Variants in KSR1 observed in about 807,000 individuals in gnomAD.
KSR1 encodes the protein kinase suppressor of ras.
Under a neutral mutation model 92.9 loss-of-function variants are expected in KSR1, and 35 were observed. That is an observed-to-expected ratio of 0.38 (90% CI 0.29 to 0.50). The LOEUF (loss-of-function observed/expected upper bound fraction) is 0.50. Ranked by LOEUF, KSR1 falls within the 20% of genes least tolerant of loss-of-function variation. KSR1 has a pLI of 0.94. For synonymous variants in KSR1, 467 were observed against 472.6 expected (o/e 0.99, Z 0.15); for missense variants, 972 against 1,158.5 (o/e 0.84, Z 2.34).
At chr17:27,557,546 T>G (rs898579058) in intron 2 of KSR1, among the ~76,000 whole-genome samples, 3 of 152,094 alleles carry the variant, frequency 2.0e-5, no homozygotes, top group Non-Finnish European at 2.9e-5. Context: ...GGACCTGAGA[T>G]CCTATGGGTA....
rs547749099 is a variant in KSR1, at chr17:27,580,370, G to A, written c.521-2276G>A. 2.0e-5 allele frequency among the ~76,000 whole-genome samples: 3 copies of A among 152,302 alleles called. No individual in the cohort carries two copies. In the East Asian group the frequency reaches 5.8e-4, roughly 29 times the overall value. On this transcript the variant is annotated intron_variant, in intron 3 of 20. Coordinates refer to ENST00000644974, the MANE Select transcript of KSR1 (RefSeq NM_001394583.1). ...TGTCTAGTCGGTTCCTGAATAGAAA[G>A]TCACTGCAGTCAGGTGGGAGGAAGG... is the stretch of plus-strand genomic sequence containing the variant.
Position 27,589,155 on chromosome 17 carries a change from C to T in KSR1, c.1046+620C>T, listed in dbSNP as rs187786516. 1.6e-4 allele frequency among the ~76,000 whole-genome samples: 25 copies of T among 152,310 alleles called. No individual in the cohort carries two copies. The East Asian group carries it at 4.8e-3, about 29-fold the overall frequency. Reference sequence around the variant, plus strand: ...CATCTTTGTTGGGTGGAGAGAGTAACATTTATGGATCTCTGCTACCTTCCA... The same window carrying T: ...CATCTTTGTTGGGTGGAGAGAGTAATATTTATGGATCTCTGCTACCTTCCA... On this transcript the variant is annotated intron_variant, in intron 6 of 20. Coordinates refer to ENST00000644974, the MANE Select transcript of KSR1 (RefSeq NM_001394583.1).
chr17:27,590,784 A>T lies in KSR1; in HGVS notation c.1047-27A>T, dbSNP rs1403321. 6 of 1,594,764 alleles carry T rather than the reference A, an allele frequency of 3.8e-6. No individual in the cohort carries two copies. In the East Asian group the frequency reaches 1.4e-4, roughly 36 times the overall value. Reference sequence around the variant, plus strand: ...GGCCTTGGCCTCCCAGCTGGTGCAAACATGTGCCTGTGTCCGCCCTCTGCA... The same window carrying T: ...GGCCTTGGCCTCCCAGCTGGTGCAATCATGTGCCTGTGTCCGCCCTCTGCA... On this transcript the variant is annotated intron_variant, in intron 6 of 20. Coordinates refer to ENST00000644974, the MANE Select transcript of KSR1 (RefSeq NM_001394583.1).
At chr17:27,502,565 G>T (rs916953019) in intron 1 of KSR1, among the ~76,000 whole-genome samples, 1 of 152,208 alleles carries the variant, frequency 6.6e-6, no homozygotes, top group African/African-American at 2.4e-5. Context: ...CTCAAGCCAC[G>T]TGCAGCCTCA....
Position 27,625,956 on chromosome 17 carries a change from T to C in KSR1, c.*2564T>C, listed in dbSNP as rs1244886524. 1 of 152,166 alleles carries C rather than the reference T, an allele frequency of 6.6e-6. No individual in the cohort carries two copies. The highest frequency in any genetic ancestry group is 1.5e-5 in the Non-Finnish European group (1 of 68,048). The allele number at this position is 152,166 out of a possible 1,614,324, so 9.4% of individuals were successfully genotyped here. On this transcript the variant is annotated 3_prime_UTR_variant, in exon 21 of 21. Coordinates refer to ENST00000644974, the MANE Select transcript of KSR1 (RefSeq NM_001394583.1). ...TCGAAGTCTTGAATCCTAGCTAGTT[T>C]GGGGTTGTGAGCAGTGTGTAGCAAA... is the stretch of plus-strand genomic sequence containing the variant.
intron 4 of KSR1, among the ~76,000 whole-genome samples, chr17:27,583,680 A>G (rs1198909690): frequency 2.0e-5 from 3 of 152,266 alleles, no homozygotes; most frequent in Non-Finnish European, 4.4e-5. Context: ...GTCAGATACC[A>G]TACCATCTAC....
intron 1 of KSR1, among the ~76,000 whole-genome samples, chr17:27,481,997 A>G (rs1303078499): frequency 6.6e-6 from 1 of 152,202 alleles, no homozygotes; most frequent in Non-Finnish European, 1.5e-5. Context: ...TCTGTCATCC[A>G]TCAAATGAGG....
chr17:27,457,436 T>C (rs1404010614), intron 1 of KSR1, among the ~76,000 whole-genome samples: 1 of 152,190 alleles, frequency 6.6e-6, no homozygotes, highest in African/African-American at 2.4e-5. Context: ...TGCTTTCCTT[T>C]CACGTTGCCA....
chr17:27,623,248 T>C, intron 20 of KSR1, 66 bp from the exon 21 acceptor site: 2 of 728,194 alleles, frequency 2.7e-6, no homozygotes, highest in Non-Finnish European at 5.0e-6. Context: ...ATTTCCTAGC[T>C]AGTGTTACCC....
intron 1 of KSR1, among the ~76,000 whole-genome samples, chr17:27,511,974 G>C (rs377489053): frequency 6.6e-6 from 1 of 152,262 alleles, no homozygotes; most frequent in South Asian, 2.1e-4. Context: ...GGATAGCAGA[G>C]CCCAAGTGGC....
At chr17:27,504,554 A>T (rs2069307637) in intron 1 of KSR1, among the ~76,000 whole-genome samples, 1 of 151,962 alleles carries the variant, frequency 6.6e-6, no homozygotes, top group Non-Finnish European at 1.5e-5. Flanking sequence ...ACAGACGGGG[A>T]TGGGGCCTGG....
At position 27,617,301 on chromosome 17, in the gene KSR1, C is replaced by A. The variant is rs990136978; in HGVS notation, c.2500C>A (p.Leu834Met). Residue 834 changes from leucine (L) to methionine (M), a missense_variant, in exon 19 of 21, where the codon CTG becomes ATG. By Grantham distance (15) the Leu-to-Met change is conservative. Transcript: ENST00000644974. ...VSLGKEVSEI[L>M]SACWAFDLQE... ...ATGGCAGCTCCATTTGCAGGAGATC[C>A]TGTCGGCCTGCTGGGCTTTCGACCT... is the stretch of plus-strand genomic sequence containing the variant. 6.2e-7 allele frequency: 1 copy of A among 1,606,160 alleles called. No homozygotes were observed. The highest frequency in any genetic ancestry group is 1.1e-5 in the South Asian group (1 of 90,332).
rs541201601 is a variant in KSR1 at position 27,533,550 on chromosome 17, ATTG to A, written c.232-17013_232-17011del. Among the ~76,000 whole-genome samples the A allele has an allele frequency of 2.0e-5, 3 of 152,014 alleles. No homozygotes were observed. The East Asian group carries it at 5.8e-4, about 29-fold the overall frequency. ...AGATGCACACCACCATGCCCAGCTA[ATTG>A]TTGTATTTTTAGTAGAGACAGGGTT... On this transcript the variant is annotated intron_variant, in intron 1 of 20. Transcript: ENST00000644974.
At position 27,623,540 on chromosome 17, in the gene KSR1, C is replaced by T. The variant is rs962718139; in HGVS notation, c.*148C>T. On this transcript the variant is annotated 3_prime_UTR_variant, in exon 21 of 21. Coordinates refer to ENST00000644974, the MANE Select transcript of KSR1 (RefSeq NM_001394583.1). ...CTAGATTCAGACTGTTGGCCATAAA[C>T]CCCACTCGGGAGATGGAGCTGCACC... 1.5e-6 allele frequency: 1 copy of T among 672,080 alleles called. No individual in the cohort carries two copies. The highest frequency in any genetic ancestry group is 2.7e-6 in the Non-Finnish European group (1 of 375,424). The allele number at this position is 672,080 out of a possible 1,614,324, so 41.6% of individuals were successfully genotyped here. A position where few individuals can be genotyped will look rare whatever the true frequency, so the allele number is the denominator to read the frequency against.
intron 4 of KSR1, chr17:27,583,899 T>C (rs577496437): frequency 3.9e-6 from 3 of 777,442 alleles, no homozygotes; most frequent in Non-Finnish European, 4.7e-6. Flanking sequence ...ACCCCACCAT[T>C]TTTATTCAGT....
At chr17:27,620,567 T>G (rs1376823602) in intron 19 of KSR1, among the ~76,000 whole-genome samples, 1 of 152,164 alleles carries the variant, frequency 6.6e-6, no homozygotes, top group Non-Finnish European at 1.5e-5. Context: ...TGGGGGCCTC[T>G]GCATCCACCT....
chr17:27,544,319 A>G (rs1302500650), intron 1 of KSR1, among the ~76,000 whole-genome samples: 3 of 152,198 alleles, frequency 2.0e-5, no homozygotes, highest in African/African-American at 7.2e-5. Flanking sequence ...AGCACTTTGT[A>G]TACGGCAACT....
intron 2 of KSR1, among the ~76,000 whole-genome samples, chr17:27,553,406 G>A (rs1019088440): frequency 3.3e-5 from 5 of 152,204 alleles, no homozygotes; most frequent in Non-Finnish European, 5.9e-5. Context: ...GAGAGATAGC[G>A]GGAGTCAGCC....
intron 1 of KSR1, among the ~76,000 whole-genome samples, chr17:27,512,764 G>C (rs2069645915): frequency 6.6e-6 from 1 of 152,030 alleles, no homozygotes; most frequent in Admixed American, 6.6e-5. Context: ...CGGTAGGCTG[G>C]GTTTGTTTGG....
Sources: gnomAD v4.1 joint callset for allele counts (sites outside exome capture counted in the v4.1 genomes callset) on GRCh38, gnomAD v4.1.1 for gene constraint, MANE v1.5 for transcripts, NCBI Gene and HGNC (gene_info 2026-07-23, HGNC 2026-07-21) for gene names.